The following ITPRIPL2 variants were observed in gnomAD, a reference collection of about 807,000 sequenced individuals.
ITPRIPL2 encodes the protein inositol 1,4,5-trisphosphate receptor-interacting protein-like 2.
ITPRIPL2 carries 29 observed loss-of-function variants against 31.7 expected under a neutral mutation model. That is an observed-to-expected ratio of 0.91 (90% CI 0.68 to 1.25). ITPRIPL2 has a LOEUF of 1.25. Among genes scored for constraint, ITPRIPL2 ranks in the 50% most tolerant of loss-of-function variants. The pLI is 0.00. For synonymous variants in ITPRIPL2, 344 were observed against 343.4 expected, an observed-to-expected ratio of 1.00 and a Z score of -0.02; for missense variants, 696 against 739.1, an observed-to-expected ratio of 0.94 and a Z score of 0.68.
Position 19,114,879 on chromosome 16 carries a change from C to A in ITPRIPL2, c.418C>A (p.Pro140Thr). ...GCGGGCTGGCCGCGCCCGGGGGTCC[C>A]CCGGTCTCATTCCTGGGGGAGCGCT... is the stretch of plus-strand genomic sequence containing the variant. The part of the protein sequence containing the change: ...LVRAGRARGS[P>T]GLIPGGALAL... The change falls in exon 1 of 1, where the codon CCC becomes ACC. Residue 140 changes from proline (P) to threonine (T), a missense_variant. Coordinates refer to ENST00000381440, the MANE Select transcript of ITPRIPL2 (RefSeq NM_001034841.4). The A allele has an allele frequency of 6.2e-7, 1 of 1,607,164 alleles. No homozygotes were observed. The highest frequency in any genetic ancestry group is 2.2e-5 in the East Asian group (1 of 44,550).
In ITPRIPL2 at chr16:19,115,148, C is replaced by T. The variant is rs116496443; in HGVS notation, c.687C>T (p.Cys229=). 37,930 of 1,604,026 alleles carry T rather than the reference C, an allele frequency of 0.024. 592 individuals carry two copies. The highest frequency in any genetic ancestry group is 0.025 in the South Asian group (2,289 of 91,088). ...CGGGGGGCCACTGGCTTCGGGACTGCAAACCCTTTGCTGATGCCTTCTGCG... is the reference window on the plus strand; with the variant it reads ...CGGGGGGCCACTGGCTTCGGGACTGTAAACCCTTTGCTGATGCCTTCTGCG... The part of the protein sequence containing the change: ...GASGGHWLRD[C]KPFADAFCVD... The change falls in exon 1 of 1, where the codon TGC becomes TGT. Residue 229 remains cysteine, a synonymous_variant. Transcript: ENST00000381440.
rs1366942114 is a variant in ITPRIPL2, at chr16:19,120,398, A to G, written c.*4329A>G. On this transcript the variant is annotated 3_prime_UTR_variant, in exon 1 of 1. Transcript: ENST00000381440. ...CACCTGGCCTAAAAGCGTCGTTCTGATCAGACTTCACCCCTGAATGTTTCT... is the reference window on the plus strand; with the variant it reads ...CACCTGGCCTAAAAGCGTCGTTCTGGTCAGACTTCACCCCTGAATGTTTCT... 6.4e-6 allele frequency: 1 copy of G among 155,326 alleles called. No individual in the cohort carries two copies. The highest frequency in any genetic ancestry group is 2.5e-5 in the African/African-American group (1 of 39,760). 9.6% of individuals were successfully genotyped at this position (155,326 alleles called of 1,614,324 possible).
chr16:19,114,828 G>C lies in ITPRIPL2; in HGVS notation c.367G>C (p.Val123Leu). 3.1e-6 allele frequency: 5 copies of C among 1,606,372 alleles called. No individual in the cohort carries two copies. Among genetic ancestry groups the C allele is most frequent in the Non-Finnish European group, 4.2e-6 (5 of 1,176,948 alleles). The change falls in exon 1 of 1, where the codon GTG becomes CTG. Residue 123 changes from valine to leucine, a missense_variant. Transcript: ENST00000381440. The part of the protein sequence containing the change: ...PHVLGHSKAH[V>L]SRIVGELVRA... The stretch of plus-strand genomic sequence containing the variant: ...CGTGTTGGGCCACAGCAAGGCGCAC[G>C]TGAGCCGGATCGTGGGCGAGCTGGT...
rs905641802 is a variant in ITPRIPL2, at chr16:19,119,980, G to C, written c.*3911G>C. 6.0e-6 allele frequency: 1 copy of C among 167,036 alleles called. No homozygotes were observed. The highest frequency in any genetic ancestry group is 1.5e-5 in the Non-Finnish European group (1 of 68,116). 10.3% of individuals were successfully genotyped at this position (167,036 alleles called of 1,614,324 possible). A position where few individuals can be genotyped will look rare whatever the true frequency, so the allele number is the denominator to read the frequency against. On this transcript the variant is annotated 3_prime_UTR_variant, in exon 1 of 1. Transcript: ENST00000381440. ...CTTACATTTAAATTAATTTTGGGGG[G>C]TTAGTGGTATCCTAGCTCGTGCCTT...
chr16:19,114,446 G>A lies in ITPRIPL2; in HGVS notation c.-16G>A. ...CCCCCTGGGCTGCTCGGCCACCGCC[G>A]CCCCGGGCGCCCGGCATGTCGGTGC... On this transcript the variant is annotated 5_prime_UTR_variant, in exon 1 of 1. Coordinates refer to ENST00000381440, the MANE Select transcript of ITPRIPL2 (RefSeq NM_001034841.4). 1 of 1,385,410 alleles carries A rather than the reference G, an allele frequency of 7.2e-7. No homozygotes were observed. The highest frequency in any genetic ancestry group is 1.7e-5 in the South Asian group (1 of 57,224). 85.8% of individuals were successfully genotyped at this position (1,385,410 alleles called of 1,614,324 possible).
At position 19,119,291 on chromosome 16, in the gene ITPRIPL2, C is replaced by T. The variant is rs1172677606; in HGVS notation, c.*3222C>T. 2 of 383,880 alleles carry T rather than the reference C, an allele frequency of 5.2e-6. No homozygotes were observed. Among genetic ancestry groups the T allele is most frequent in the East Asian group, 3.9e-5 (1 of 25,594 alleles). The allele number at this position is 383,880 out of a possible 1,614,324, so 23.8% of individuals were successfully genotyped here. On this transcript the variant is annotated 3_prime_UTR_variant, in exon 1 of 1. Coordinates refer to ENST00000381440, the MANE Select transcript of ITPRIPL2 (RefSeq NM_001034841.4). Reference sequence around the variant, plus strand: ...GGAAGGGGAAATGAAGTGAAAATGGCGTGAGGGTGTGAGAGAGGTTTGGGT... The same window carrying T: ...GGAAGGGGAAATGAAGTGAAAATGGTGTGAGGGTGTGAGAGAGGTTTGGGT...
At position 19,121,140 on chromosome 16, in the gene ITPRIPL2, G is replaced by C. The variant is rs1263272002; in HGVS notation, c.*5071G>C. On this transcript the variant is annotated 3_prime_UTR_variant, in exon 1 of 1. Coordinates refer to ENST00000381440, the MANE Select transcript of ITPRIPL2 (RefSeq NM_001034841.4). ...GGGGGGATAAAGCATGTATAAGTTG[G>C]GAGAGGGTAAAGAATGTGTGACTAT... 1 of 166,732 alleles carries C rather than the reference G, an allele frequency of 6.0e-6. No individual in the cohort carries two copies. The highest frequency in any genetic ancestry group is 1.5e-5 in the Non-Finnish European group (1 of 68,058). The allele number at this position is 166,732 out of a possible 1,614,324, so 10.3% of individuals were successfully genotyped here.
At position 19,114,404 on chromosome 16, in the gene ITPRIPL2, G is replaced by C. The variant is rs554132986; in HGVS notation, c.-58G>C. On this transcript the variant is annotated 5_prime_UTR_variant, in exon 1 of 1. Transcript: ENST00000381440. The stretch of plus-strand genomic sequence containing the variant: ...GGCGCTGTGCGCATGCTGGGCTTGG[G>C]TCGCCGCCGGGGCTTGCCCCCTGGG... 19 of 1,272,852 alleles carry C rather than the reference G, an allele frequency of 1.5e-5. No individual in the cohort carries two copies. In the African/African-American group the frequency reaches 2.8e-4, roughly 19 times the overall value. 78.8% of individuals were successfully genotyped at this position (1,272,852 alleles called of 1,614,324 possible).
chr16:19,114,769 G>A lies in ITPRIPL2; in HGVS notation c.308G>A (p.Ser103Asn). The A allele has an allele frequency of 1.2e-6, 2 of 1,612,508 alleles. No homozygotes were observed. Among genetic ancestry groups the A allele is most frequent in the Non-Finnish European group, 1.7e-6 (2 of 1,179,834 alleles). The change falls in exon 1 of 1, where the codon AGT (serine) becomes AAT (asparagine). Residue 103 changes from serine (S) to asparagine (N), a missense_variant. Physicochemically the swap from Ser to Asn is conservative, Grantham distance 46. Coordinates refer to ENST00000381440, the MANE Select transcript of ITPRIPL2 (RefSeq NM_001034841.4). ...CCGGGCCTCAGCATCCTGCTGGAGA[G>A]TTACTACGAGCATGAGGTGCGCCTG... Reference protein sequence around the residue: ...REPGLSILLESYYEHEVRLSP... With the variant: ...REPGLSILLENYYEHEVRLSP...
Position 19,115,931 on chromosome 16 carries a change from AC to A in ITPRIPL2, c.1471del (p.Ala492GlnfsTer47). On this transcript the variant is annotated frameshift_variant, in exon 1 of 1. Transcript: ENST00000381440. LOFTEE classifies it high-confidence loss of function. Reference sequence around the variant, plus strand: ...CCGCTTTCGACGGGCACGCCCGGGAACTTGCAGCAGCGCGGTTGCTGTCCAC... The same window carrying A: ...CCGCTTTCGACGGGCACGCCCGGGAATTGCAGCAGCGCGGTTGCTGTCCAC... ...LAAFDGHARE[L>X]AAARLLSTWQ... 6.2e-7 allele frequency: 1 copy of A among 1,612,538 alleles called. No homozygotes were observed. The highest frequency in any genetic ancestry group is 8.5e-7 in the Non-Finnish European group (1 of 1,179,752).
At position 19,115,480 on chromosome 16, in the gene ITPRIPL2, G is replaced by A. The variant is rs1963427970; in HGVS notation, c.1019G>A (p.Gly340Asp). 3.1e-6 allele frequency: 5 copies of A among 1,607,320 alleles called. No homozygotes were observed. The highest frequency in any genetic ancestry group is 4.5e-5 in the East Asian group (2 of 44,872). Residue 340 changes from glycine to aspartate, a missense_variant, in exon 1 of 1, where the codon GGC (glycine) becomes GAC (aspartate). Coordinates refer to ENST00000381440, the MANE Select transcript of ITPRIPL2 (RefSeq NM_001034841.4). ...GCGCCCCTGTTGGAGCTCCCTGAGGGCCTGCGTGCGGAGGCACTGTGGGGT... is the reference window on the plus strand; with the variant it reads ...GCGCCCCTGTTGGAGCTCCCTGAGGACCTGCGTGCGGAGGCACTGTGGGGT... ...PSAPLLELPE[G>D]LRAEALWGVN...
chr16:19,119,314 G>T lies in ITPRIPL2; in HGVS notation c.*3245G>T. On this transcript the variant is annotated 3_prime_UTR_variant, in exon 1 of 1. Transcript: ENST00000381440. ...GGCGTGAGGGTGTGAGAGAGGTTTG[G>T]GTTAGGAAACATGTTTTTAGTGCTA... 2.7e-6 allele frequency: 1 copy of T among 371,490 alleles called. No individual in the cohort carries two copies. The highest frequency in any genetic ancestry group is 5.0e-6 in the Non-Finnish European group (1 of 200,254). 23.0% of individuals were successfully genotyped at this position (371,490 alleles called of 1,614,324 possible).
At position 19,116,455 on chromosome 16, in the gene ITPRIPL2, TA is replaced by T. The variant is rs3840049; in HGVS notation, c.*395del. 0.13 allele frequency: 27,331 copies of T among 208,124 alleles called. 4,922 individuals are homozygous for T. The highest frequency in any genetic ancestry group is 0.46 in the African/African-American group (19,582 of 42,676). 12.9% of individuals were successfully genotyped at this position (208,124 alleles called of 1,614,324 possible). On this transcript the variant is annotated 3_prime_UTR_variant, in exon 1 of 1. Transcript: ENST00000381440. Reference sequence around the variant, plus strand: ...TAGACACAGATCTCTCTGCCCAAATTAAAAAAAAACAAAACAAAACACTAAA... The same window carrying T: ...TAGACACAGATCTCTCTGCCCAAATTAAAAAAAACAAAACAAAACACTAAA...
Position 19,116,029 on chromosome 16 carries a change from G to A in ITPRIPL2, c.1568G>A (p.Arg523Gln), listed in dbSNP as rs1230887539. ...TACCTTGCCAGGTGCCCCCCACCCC[G>A]GAGTCAGCGCACCCAGGGCTTCCTT... ...PRYLARCPPP[R>Q]SQRTQGFLEG... Residue 523 changes from arginine to glutamine, a missense_variant, in exon 1 of 1, where the codon CGG becomes CAG. Arg to Gln is a conservative substitution (Grantham distance 43, BLOSUM62 1). Coordinates refer to ENST00000381440, the MANE Select transcript of ITPRIPL2 (RefSeq NM_001034841.4). 6.2e-7 allele frequency: 1 copy of A among 1,606,346 alleles called. No homozygotes were observed. Among genetic ancestry groups the A allele is most frequent in the Non-Finnish European group, 8.5e-7 (1 of 1,175,244 alleles).
rs1963504774 is a variant in ITPRIPL2, at chr16:19,120,616, TA to T, written c.*4548del. On this transcript the variant is annotated 3_prime_UTR_variant, in exon 1 of 1. Coordinates refer to ENST00000381440, the MANE Select transcript of ITPRIPL2 (RefSeq NM_001034841.4). ...CACGCCTGGCTAATATATATATATA[TA>T]TATATATATTTTTTTTTTTTTTTTT... 1 of 120,114 alleles carries T rather than the reference TA, an allele frequency of 8.3e-6. No individual in the cohort carries two copies. The highest frequency in any genetic ancestry group is 1.6e-5 in the Non-Finnish European group (1 of 61,160). The allele number at this position is 120,114 out of a possible 1,614,324, so 7.4% of individuals were successfully genotyped here. A position where few individuals can be genotyped will look rare whatever the true frequency, so the allele number is the denominator to read the frequency against.
chr16:19,116,102 C>G lies in ITPRIPL2; in HGVS notation c.*33C>G. The G allele has an allele frequency of 6.6e-7, 1 of 1,520,502 alleles. No individual in the cohort carries two copies. Among genetic ancestry groups the G allele is most frequent in the Non-Finnish European group, 8.8e-7 (1 of 1,131,372 alleles). The allele number at this position is 1,520,502 out of a possible 1,614,324, so 94.2% of individuals were successfully genotyped here. The stretch of plus-strand genomic sequence containing the variant: ...CAGCACCCCCACCTGACCAAATGCT[C>G]CTAAAGCCTTTCCCACTGGGTGGGG... On this transcript the variant is annotated 3_prime_UTR_variant, in exon 1 of 1. Coordinates refer to ENST00000381440, the MANE Select transcript of ITPRIPL2 (RefSeq NM_001034841.4).
At position 19,114,502 on chromosome 16, in the gene ITPRIPL2, C is replaced by T. The variant is rs1596852813; in HGVS notation, c.41C>T (p.Pro14Leu). 1 of 1,453,488 alleles carries T rather than the reference C, an allele frequency of 6.9e-7. No homozygotes were observed. The highest frequency in any genetic ancestry group is 1.4e-5 in the African/African-American group (1 of 70,032). The allele number at this position is 1,453,488 out of a possible 1,614,324, so 90.0% of individuals were successfully genotyped here. ...HYTLNLRVFW[P>L]LVTGLCTALV... ...ACCCTCAATCTACGCGTCTTCTGGC[C>T]CCTGGTGACCGGCCTGTGCACCGCC... is the stretch of plus-strand genomic sequence containing the variant. Residue 14 changes from proline (P) to leucine (L), a missense_variant, in exon 1 of 1, where the codon CCC becomes CTC. By Grantham distance (98) the Pro-to-Leu change is moderately conservative. Coordinates refer to ENST00000381440, the MANE Select transcript of ITPRIPL2 (RefSeq NM_001034841.4).
rs1424520577 is a variant in ITPRIPL2, at chr16:19,117,590, T to C, written c.*1521T>C. 1 of 167,064 alleles carries C rather than the reference T, an allele frequency of 6.0e-6. No individual in the cohort carries two copies. The highest frequency in any genetic ancestry group is 1.9e-4 in the East Asian group (1 of 5,208). 10.3% of individuals were successfully genotyped at this position (167,064 alleles called of 1,614,324 possible). On this transcript the variant is annotated 3_prime_UTR_variant, in exon 1 of 1. Coordinates refer to ENST00000381440, the MANE Select transcript of ITPRIPL2 (RefSeq NM_001034841.4). ...TTGGAAATGCAGCCAGTCCAAGTGTTACAAATTGGGATTTTTTTGTTTTCT... is the reference window on the plus strand; with the variant it reads ...TTGGAAATGCAGCCAGTCCAAGTGTCACAAATTGGGATTTTTTTGTTTTCT...
Position 19,120,626 on chromosome 16 carries a change from T to TATATATATATATA in ITPRIPL2, c.*4557_*4558insATATATATATATA, listed in dbSNP as rs1491422145. On this transcript the variant is annotated 3_prime_UTR_variant, in exon 1 of 1. Transcript: ENST00000381440. Reference sequence around the variant, plus strand: ...TAATATATATATATATATATATATATTTTTTTTTTTTTTTTTTAGTAGAGA... The same window carrying TATATATATATATA: ...TAATATATATATATATATATATATATATATATATATATATTTTTTTTTTTTTTTTTAGTAGAGA... 6 of 83,734 alleles carry TATATATATATATA rather than the reference T, an allele frequency of 7.2e-5. No homozygotes were observed. Among genetic ancestry groups the TATATATATATATA allele is most frequent in the African/African-American group, 3.2e-4 (5 of 15,626 alleles). 5.2% of individuals were successfully genotyped at this position (83,734 alleles called of 1,614,324 possible). A position where few individuals can be genotyped will look rare whatever the true frequency, so the allele number is the denominator to read the frequency against.
Sources: allele counts gnomAD v4.1 joint callset, GRCh38; gene constraint gnomAD v4.1.1; transcripts MANE v1.5; gene names NCBI Gene and HGNC (gene_info 2026-07-23, HGNC 2026-07-21).